Variants in ARHGEF11 observed in about 807,000 individuals in gnomAD.
The protein encoded by ARHGEF11 is Rho guanine nucleotide exchange factor 11.
In ARHGEF11, 55 loss-of-function variants were observed where a neutral mutation model predicts 193.7. The ratio of observed to expected loss-of-function variants is 0.28; its 90% confidence interval spans 0.23 to 0.36. The LOEUF is 0.36. Among genes scored for constraint, ARHGEF11 ranks in the 10% least tolerant of loss-of-function variants. The pLI is 1.00. For missense variants in ARHGEF11, 1,723 were observed against 2,005.6 expected, an observed-to-expected ratio of 0.86 and a Z score of 2.69; for synonymous variants, 693 against 768.0, an observed-to-expected ratio of 0.90 and a Z score of 1.62.
chr1:156,996,550 G>T (rs1317491612), intron 1 of ARHGEF11, among the ~76,000 whole-genome samples: 1 of 151,946 alleles, frequency 6.6e-6, no homozygotes, highest in Non-Finnish European at 1.5e-5. Flanking sequence ...GAGGCGGGCG[G>T]ATCACGAGGT....
intron 4 of ARHGEF11, 132 bp from the exon 5 acceptor site, chr1:156,979,418 T>C: frequency 3.1e-6 from 2 of 638,544 alleles, no homozygotes; most frequent in South Asian, 1.9e-5. Flanking sequence ...CAGGCTGGAG[T>C]GCAGTGGCCC....
intron 21 of ARHGEF11, among the ~76,000 whole-genome samples, chr1:156,954,018 CA>C (rs1043894282): frequency 6.6e-6 from 1 of 152,088 alleles, no homozygotes; most frequent in Non-Finnish European, 1.5e-5. Flanking sequence ...GTTGGAGACC[CA>C]TACTTTACAT....
intron 1 of ARHGEF11, among the ~76,000 whole-genome samples, chr1:157,003,019 A>G (rs534372500): frequency 1.2e-4 from 18 of 152,364 alleles, no homozygotes; most frequent in Non-Finnish European, 2.2e-4. Flanking sequence ...CATGCAAAAA[A>G]TGCTCAGGCC....
In ARHGEF11 at chr1:156,948,689, A is replaced by G. The variant is rs544175408; in HGVS notation, c.1926-191T>C. 46 of 1,527,558 alleles carry G rather than the reference A, an allele frequency of 3.0e-5. No homozygotes were observed. The African/African-American group carries it at 5.5e-4, about 18-fold the overall frequency. The allele number at this position is 1,527,558 out of a possible 1,614,324, so 94.6% of individuals were successfully genotyped here. The stretch of plus-strand genomic sequence containing the variant: ...ACAGACTATTTTTGCTGCTCTACAA[A>G]CTCCTCCTCTCTCCCCAGCCTAGCC... On this transcript the variant is annotated intron_variant, in intron 22 of 40. Coordinates refer to ENST00000368194, the MANE Select transcript of ARHGEF11 (RefSeq NM_198236.3). The surrounding 1 kb of genome is among the most constrained non-coding windows in gnomAD (Gnocchi z 4.2).
At chr1:156,947,056 G>C (rs746083628) in intron 26 of ARHGEF11, 41 bp from the exon 27 acceptor site, 1 of 1,610,082 alleles carries the variant, frequency 6.2e-7, no homozygotes, top group South Asian at 1.1e-5. Flanking sequence ...CTGGGGTTGA[G>C]CTCAACTGCC....
chr1:157,029,811 C>T (rs1671082276), intron 1 of ARHGEF11, among the ~76,000 whole-genome samples: 1 of 152,058 alleles, frequency 6.6e-6, no homozygotes, highest in Non-Finnish European at 1.5e-5. Flanking sequence ...ATTATTCAAC[C>T]ATAAAAAGAA....
At chr1:157,028,668 C>T (rs368413794) in intron 1 of ARHGEF11, among the ~76,000 whole-genome samples, 1 of 152,058 alleles carries the variant, frequency 6.6e-6, no homozygotes, top group East Asian at 1.9e-4. Context: ...CTATTCATTC[C>T]TCAACAATAA....
rs770624914 is a variant in ARHGEF11, at chr1:156,969,323, C to A, written c.784G>T (p.Gly262Cys). The A allele has an allele frequency of 6.2e-6, 10 of 1,609,082 alleles. No individual in the cohort carries two copies. In the South Asian group the frequency reaches 7.8e-5, roughly 13 times the overall value. Residue 262 changes from glycine (G) to cysteine (C), a missense_variant, in exon 10 of 41, where the codon GGC becomes TGC. Gly to Cys is a radical substitution (Grantham distance 159, BLOSUM62 -3). Coordinates refer to ENST00000368194, the MANE Select transcript of ARHGEF11 (RefSeq NM_198236.3). ...AAGCGTTCTGTCCCAGAGTCCAAGC[C>A]ACTGTCCCCCTCCTGGGAATCCAGA... ...LSLDSQEGDSGLDSGTERFPS... is the reference protein window; with the variant it reads ...LSLDSQEGDSCLDSGTERFPS...
Position 156,944,999 on chromosome 1 carries a change from C to A in ARHGEF11, c.2991+20G>T. ...CCCACAAAGTGTGAGGGGTTGACTG[C>A]TGCAGCCTCTGCCTCCTACCTTGAA... On this transcript the variant is annotated intron_variant, in intron 30 of 40. Coordinates refer to ENST00000368194, the MANE Select transcript of ARHGEF11 (RefSeq NM_198236.3). The A allele has an allele frequency of 6.2e-7, 1 of 1,610,056 alleles. No individual in the cohort carries two copies.
At chr1:156,996,860 T>C (rs997785068) in intron 1 of ARHGEF11, among the ~76,000 whole-genome samples, 8 of 41,418 alleles carry the variant, frequency 1.9e-4, no homozygotes, top group African/African-American at 8.4e-4. Context: ...TCTCTCTCTA[T>C]TTTTTTTTTT....
intron 1 of ARHGEF11, among the ~76,000 whole-genome samples, chr1:157,023,899 C>A (rs933991348): frequency 6.6e-6 from 1 of 152,008 alleles, no homozygotes; most frequent in Non-Finnish European, 1.5e-5. Context: ...ACATGCTAAA[C>A]ACAGAGCTAA....
At chr1:156,974,432 G>A (rs1662969705) in intron 7 of ARHGEF11, among the ~76,000 whole-genome samples, 1 of 152,034 alleles carries the variant, frequency 6.6e-6, no homozygotes, top group Non-Finnish European at 1.5e-5. Context: ...ACCTCACGAA[G>A]CCTTCTGATT....
At position 156,977,021 on chromosome 1, in the gene ARHGEF11, G is replaced by A. The variant is rs759042987; in HGVS notation, c.544C>T (p.Leu182Phe). ...TCTTCCTGCCTCAGCATATTCCTGAGGATCTGGGTGGCATGTTTTTGAACT... is the reference window on the plus strand; with the variant it reads ...TCTTCCTGCCTCAGCATATTCCTGAAGATCTGGGTGGCATGTTTTTGAACT... The part of the protein sequence containing the change: ...PEVQKHATQI[L>F]RNMLRQEEKE... The change falls in exon 7 of 41, where the codon CTC (leucine) becomes TTC (phenylalanine). Residue 182 changes from leucine to phenylalanine, a missense_variant. This residue lies in a region of ARHGEF11 where 646 missense variants were observed against 710.7 expected (regional missense o/e 0.91). Transcript: ENST00000368194. 6.2e-7 allele frequency: 1 copy of A among 1,614,024 alleles called. No homozygotes were observed. Among genetic ancestry groups the A allele is most frequent in the Admixed American group, 1.7e-5 (1 of 60,014 alleles).
At chr1:157,041,531 TTA>T (rs1327452900) in intron 1 of ARHGEF11, among the ~76,000 whole-genome samples, 5 of 152,214 alleles carry the variant, frequency 3.3e-5, no homozygotes, top group Non-Finnish European at 7.3e-5. Flanking sequence ...TAGTCCTTTA[TTA>T]TGTCATTTAT....
In ARHGEF11 at chr1:156,950,901, T is replaced by C. The variant is rs1658993846; in HGVS notation, c.1925+672A>G. On this transcript the variant is annotated intron_variant, in intron 22 of 40. Coordinates refer to ENST00000368194, the MANE Select transcript of ARHGEF11 (RefSeq NM_198236.3). ...TTTAGACATGACTTGACTGCTGTCA[T>C]GCCACAATCAAGAGCAAGTAAGTCC... Among the ~76,000 whole-genome samples the C allele has an allele frequency of 2.0e-5, 3 of 152,206 alleles. 1 individual carries two copies. Among genetic ancestry groups the C allele is most frequent in the Non-Finnish European group, 1.5e-5 (1 of 68,020 alleles).
intron 2 of ARHGEF11, 39 bp downstream of exon 2, chr1:156,986,043 G>A: frequency 6.5e-7 from 1 of 1,545,664 alleles, no homozygotes; most frequent in Non-Finnish European, 8.9e-7. Context: ...GTGCCACCAT[G>A]CCTGGCTGTT....
intron 1 of ARHGEF11, among the ~76,000 whole-genome samples, chr1:157,035,249 C>G (rs1262954981): frequency 6.6e-6 from 1 of 152,024 alleles, no homozygotes; most frequent in Non-Finnish European, 1.5e-5. Flanking sequence ...CCTGTCTGTC[C>G]TTAGTTGAGA....
At chr1:156,968,249 C>T (rs1312228832) in intron 10 of ARHGEF11, 125 bp from the exon 11 acceptor site, 2 of 1,075,390 alleles carry the variant, frequency 1.9e-6, no homozygotes, top group African/African-American at 1.6e-5. Flanking sequence ...AGTACTTGCT[C>T]TGTGCCTGGT....
intron 1 of ARHGEF11, among the ~76,000 whole-genome samples, chr1:156,993,426 A>C (rs986426450): frequency 1.3e-5 from 2 of 152,212 alleles, no homozygotes; most frequent in African/African-American, 4.8e-5. Context: ...ATAAATACAT[A>C]ATACACATAC....
Sources: gnomAD v4.1 joint callset for allele counts (sites outside exome capture counted in the v4.1 genomes callset) on GRCh38, gnomAD v4.1.1 for gene constraint, gnomAD v4.1.1 regional missense constraint, Gnocchi (gnomAD v3.1) non-coding constraint, MANE v1.5 for transcripts, NCBI Gene and HGNC (gene_info 2026-07-23, HGNC 2026-07-21) for gene names.